Variants in PIAS1 observed in about 807,000 individuals in gnomAD.
PIAS1 encodes E3 SUMO-protein ligase PIAS1.
Under a neutral mutation model 71.3 loss-of-function variants are expected in PIAS1, and 6 were observed. The ratio of observed to expected loss-of-function variants is 0.08; its 90% CI spans 0.05 to 0.17. The LOEUF is 0.17. Among genes scored for constraint, PIAS1 ranks in the 10% least tolerant of loss-of-function variants. The pLI, the probability that PIAS1 is intolerant of heterozygous loss-of-function variation, is 1.00. For synonymous variants in PIAS1, 303 were observed against 292.9 expected, an observed-to-expected ratio of 1.03 and a Z score of -0.35; for missense variants, 555 against 793.6, an observed-to-expected ratio of 0.70 and a Z score of 3.61.
intron 7 of PIAS1, among the ~76,000 whole-genome samples, chr15:68,163,660 G>T (rs1261583594): frequency 6.6e-6 from 1 of 152,152 alleles, no homozygotes; most frequent in Non-Finnish European, 1.5e-5. Flanking sequence ...CTCATAAATG[G>T]TTATCAGAAC....
At chr15:68,124,755 G>A (rs71400385) in intron 2 of PIAS1, among the ~76,000 whole-genome samples, 3,627 of 151,982 alleles carry the variant, frequency 0.024, 78 homozygotes, top group Non-Finnish European at 0.034. Flanking sequence ...AAACCCAAAA[G>A]TTATAAATGA....
intron 7 of PIAS1, among the ~76,000 whole-genome samples, chr15:68,155,089 A>G (rs1209891151): frequency 6.6e-6 from 1 of 152,194 alleles, no homozygotes; most frequent in Non-Finnish European, 1.5e-5. Flanking sequence ...AGCAACAACA[A>G]CAATAAGGCC....
chr15:68,066,189 G>A (rs981745470), intron 1 of PIAS1, among the ~76,000 whole-genome samples: 1 of 151,510 alleles, frequency 6.6e-6, no homozygotes, highest in South Asian at 2.1e-4. Flanking sequence ...ACATGATCTC[G>A]GCTCACCACA....
intron 1 of PIAS1, among the ~76,000 whole-genome samples, chr15:68,058,422 A>C (rs534308269): frequency 2.6e-5 from 4 of 152,290 alleles, no homozygotes; most frequent in Admixed American, 2.6e-4. Flanking sequence ...ATAGATAGAG[A>C]AAGTGAGCCC....
intron 12 of PIAS1, among the ~76,000 whole-genome samples, chr15:68,182,427 TG>T (rs1432663590): frequency 1.0e-4 from 2 of 19,230 alleles, no homozygotes; most frequent in Admixed American, 5.4e-4. Context: ...TTACAGCTAG[TG>T]TGTGTGTGTG....
rs146114696 is a variant in PIAS1, at chr15:68,075,078, CTTTTTTTTTTTTTTT to C, written c.25-11216_25-11202del. 4.9e-5 allele frequency among the ~76,000 whole-genome samples: 4 copies of C among 81,784 alleles called. No homozygotes were observed. The Admixed American group carries it at 5.7e-4, about 12-fold the overall frequency. 53.7% of individuals were successfully genotyped at this position (81,784 alleles called of 152,430 possible). ...ATAAAAACATTTTCTTTCTTTCTTT[CTTTTTTTTTTTTTTT>C]TTTTTTTTTTTGAGGCGGAGTCTCT... is the stretch of plus-strand genomic sequence containing the variant. On this transcript the variant is annotated intron_variant, in intron 1 of 13. Transcript: ENST00000249636.
At chr15:68,183,993 G>C in intron 13 of PIAS1, 1 of 170,820 alleles carries the variant, frequency 5.9e-6, no homozygotes, top group Non-Finnish European at 1.2e-5. Context: ...ATTTTAGAGT[G>C]TACCTCTACT....
At chr15:68,151,707 C>CACACACACAAAA (rs140053964) in intron 6 of PIAS1, among the ~76,000 whole-genome samples, 54 of 134,504 alleles carry the variant, frequency 4.0e-4, no homozygotes, top group South Asian at 1.5e-3. Flanking sequence ...CACACACACA[C>CACACACACAAAA]AAATTAGCTA....
Position 68,135,394 on chromosome 15 carries a change from G to A in PIAS1, c.470-6552G>A, listed in dbSNP as rs1345752688. ...TGACCCCCACACCGCCCTCCCAGAC[G>A]GGGCGGCTGGCCGGGCAGAGGGGCT... On this transcript the variant is annotated intron_variant, in intron 2 of 13. Coordinates refer to ENST00000249636, the MANE Select transcript of PIAS1 (RefSeq NM_016166.3). Among the ~76,000 whole-genome samples the A allele has an allele frequency of 1.4e-4, 6 of 44,032 alleles. 1 individual carries two copies. The highest frequency in any genetic ancestry group is 2.6e-4 in the African/African-American group (5 of 19,328). 28.9% of individuals were successfully genotyped at this position (44,032 alleles called of 152,430 possible).
intron 2 of PIAS1, among the ~76,000 whole-genome samples, chr15:68,104,912 G>A (rs554790082): frequency 1.3e-5 from 2 of 152,272 alleles, no homozygotes; most frequent in African/African-American, 2.4e-5. Context: ...AATAATTAAA[G>A]TTATGAAAGA....
chr15:68,064,956 G>C (rs1455277345), intron 1 of PIAS1, among the ~76,000 whole-genome samples: 1 of 152,042 alleles, frequency 6.6e-6, no homozygotes, highest in Non-Finnish European at 1.5e-5. Flanking sequence ...TGTCGCCCAG[G>C]CTGGTCTCGA....
At chr15:68,099,945 AT>A (rs2092408960) in intron 2 of PIAS1, among the ~76,000 whole-genome samples, 1 of 152,050 alleles carries the variant, frequency 6.6e-6, no homozygotes, top group Non-Finnish European at 1.5e-5. Flanking sequence ...CTTTGGTGAA[AT>A]GTCTGTGCAT....
intron 6 of PIAS1, among the ~76,000 whole-genome samples, chr15:68,148,270 C>G (rs1348450094): frequency 1.3e-5 from 2 of 152,000 alleles, no homozygotes; most frequent in South Asian, 4.2e-4. Context: ...CACAACAGCC[C>G]AGTGGTAGGA....
At chr15:68,172,838 A>G (rs964728257) in intron 8 of PIAS1, among the ~76,000 whole-genome samples, 1 of 152,158 alleles carries the variant, frequency 6.6e-6, no homozygotes, top group African/African-American at 2.4e-5. Flanking sequence ...GATAGACTCA[A>G]CCCGTGTTAG....
At chr15:68,164,555 C>G (rs2092944797) in intron 7 of PIAS1, among the ~76,000 whole-genome samples, 176 bp from the exon 8 acceptor site, 1 of 152,118 alleles carries the variant, frequency 6.6e-6, no homozygotes, top group Non-Finnish European at 1.5e-5. Flanking sequence ...CAATTGTTTT[C>G]CATCCTTTGC....
At chr15:68,058,918 C>T (rs2091926178) in intron 1 of PIAS1, among the ~76,000 whole-genome samples, 2 of 151,832 alleles carry the variant, frequency 1.3e-5, no homozygotes, top group South Asian at 4.1e-4. Flanking sequence ...CATGTCTATC[C>T]AGGTTAGTAA....
At chr15:68,151,669 AAAC>A (rs1466791860) in intron 6 of PIAS1, among the ~76,000 whole-genome samples, 5 of 105,716 alleles carry the variant, frequency 4.7e-5, no homozygotes, top group Admixed American at 3.9e-4. Context: ...AAAACAAAAA[AAAC>A]AAAAAAACAA....
At position 68,173,939 on chromosome 15, in the gene PIAS1, A is replaced by G. The variant is rs1411494403; in HGVS notation, c.1169+47A>G. On this transcript the variant is annotated intron_variant, in intron 9 of 13. Coordinates refer to ENST00000249636, the MANE Select transcript of PIAS1 (RefSeq NM_016166.3). This position sits in a 1 kb window ranked among gnomAD's most constrained non-coding sequence, Gnocchi z 4.3. Reference sequence around the variant, plus strand: ...TGGTACCTTGAAATGACCATATATTATCTGGGTTTGTTACACATCAGATTT... The same window carrying G: ...TGGTACCTTGAAATGACCATATATTGTCTGGGTTTGTTACACATCAGATTT... 2 of 1,252,562 alleles carry G rather than the reference A, an allele frequency of 1.6e-6. No homozygotes were observed. The highest frequency in any genetic ancestry group is 5.4e-5 in the East Asian group (2 of 37,086). 77.6% of individuals were successfully genotyped at this position (1,252,562 alleles called of 1,614,324 possible).
rs569407431 is a variant in PIAS1 at position 68,075,153 on chromosome 15, T to C, written c.25-11153T>C. 4.7e-5 allele frequency among the ~76,000 whole-genome samples: 7 copies of C among 147,534 alleles called. 1 individual carries two copies. In the South Asian group the frequency reaches 1.5e-3, roughly 32 times the overall value. On this transcript the variant is annotated intron_variant, in intron 1 of 13. Transcript: ENST00000249636. ...AGGCTGGAGCGAAGTGGCGTGATCT[T>C]GGCTCACTGCAACCTCCGCCCCCCC...
Sources: gnomAD v4.1 joint callset for allele counts (sites outside exome capture counted in the v4.1 genomes callset) on GRCh38, gnomAD v4.1.1 for gene constraint, Gnocchi (gnomAD v3.1) non-coding constraint, MANE v1.5 for transcripts, NCBI Gene and HGNC (gene_info 2026-07-23, HGNC 2026-07-21) for gene names.